MAPRE1: variants seen among roughly 807,000 people sequenced by gnomAD.
MAPRE1 encodes the protein microtubule associated protein RP/EB family member 1.
MAPRE1 carries 5 observed loss-of-function variants against 32.1 expected under a neutral mutation model. The observed-to-expected ratio is 0.16, with a 90% CI of 0.08 to 0.33. The LOEUF is 0.33. Among genes scored for constraint, MAPRE1 ranks in the 10% least tolerant of loss-of-function variants. The pLI is 1.00. For synonymous variants in MAPRE1, 122 were observed against 118.9 expected (o/e 1.03, Z -0.17); for missense variants, 209 against 327.2 (o/e 0.64, Z 2.79).
intron 1 of MAPRE1, among the ~76,000 whole-genome samples, chr20:32,820,295 AGGTGTGGT>A (rs1384297865): frequency 6.6e-6 from 1 of 151,412 alleles, no homozygotes; most frequent in Admixed American, 6.6e-5. Flanking sequence ...GCCGCCGCTG[AGGTGTGGT>A]CCCTGCGCTG....
At chr20:32,834,487 T>G (rs1012081627) in intron 3 of MAPRE1, among the ~76,000 whole-genome samples, 4 of 152,238 alleles carry the variant, frequency 2.6e-5, no homozygotes, top group African/African-American at 4.8e-5. Flanking sequence ...ATTAAGTAGT[T>G]TATCCCTTCC....
At chr20:32,829,885 G>A (rs1982970990) in intron 2 of MAPRE1, among the ~76,000 whole-genome samples, 1 of 152,206 alleles carries the variant, frequency 6.6e-6, no homozygotes, top group Non-Finnish European at 1.5e-5. Context: ...CCGTAGTTTG[G>A]AGAGCTAGTC....
chr20:32,848,879 T>G lies in MAPRE1; in HGVS notation c.*151T>G. The G allele has an allele frequency of 1.8e-6, 1 of 562,566 alleles. No individual in the cohort carries two copies. 34.8% of individuals were successfully genotyped at this position (562,566 alleles called of 1,614,324 possible). The stretch of plus-strand genomic sequence containing the variant: ...TCTTAAAGTGCACTTTGCAGACGTT[T>G]CACTCCTTTTCCAATAAGTTTGAGT... On this transcript the variant is annotated 3_prime_UTR_variant, in exon 7 of 7. Coordinates refer to ENST00000375571, the MANE Select transcript of MAPRE1 (RefSeq NM_012325.3).
In MAPRE1 at chr20:32,823,427, A is replaced by G. The variant is rs140460811; in HGVS notation, c.-3-2498A>G. Among the ~76,000 whole-genome samples the G allele has an allele frequency of 2.0e-5, 3 of 152,256 alleles. No individual in the cohort carries two copies. The East Asian group carries it at 5.8e-4, about 29-fold the overall frequency. Reference sequence around the variant, plus strand: ...TCTTATGAAATGAAGAAAATTGTTAAGTGTCTAGGTCACTATGAAGTCTCT... The same window carrying G: ...TCTTATGAAATGAAGAAAATTGTTAGGTGTCTAGGTCACTATGAAGTCTCT... On this transcript the variant is annotated intron_variant, in intron 1 of 6. Coordinates refer to ENST00000375571, the MANE Select transcript of MAPRE1 (RefSeq NM_012325.3).
intron 4 of MAPRE1, among the ~76,000 whole-genome samples, chr20:32,838,717 G>A (rs1255463056): frequency 6.6e-6 from 1 of 152,196 alleles, no homozygotes; most frequent in Admixed American, 6.5e-5. Flanking sequence ...TCATATTTCA[G>A]ATGCTGCTAC....
chr20:32,836,765 A>C lies in MAPRE1; in HGVS notation c.399A>C (p.Gln133His). 2 of 1,614,228 alleles carry C rather than the reference A, an allele frequency of 1.2e-6. No individual in the cohort carries two copies. Among genetic ancestry groups the C allele is most frequent in the Non-Finnish European group, 1.7e-6 (2 of 1,180,018 alleles). Residue 133 changes from glutamine to histidine, a missense_variant, in exon 4 of 7, where the codon CAA becomes CAC. Around this residue, in one of 3 missense-constraint regions of MAPRE1, gnomAD observed 106 missense variants for 115.3 expected, o/e 0.92. Coordinates refer to ENST00000375571, the MANE Select transcript of MAPRE1 (RefSeq NM_012325.3). Reference protein sequence around the residue: ...DYDPVAARQGQETAVAPSLVA... With the variant: ...DYDPVAARQGHETAVAPSLVA... ...ACCCTGTGGCTGCCAGACAAGGTCAAGAAACTGCAGTGGCTCCTTCCCTTG... is the reference window on the plus strand; with the variant it reads ...ACCCTGTGGCTGCCAGACAAGGTCACGAAACTGCAGTGGCTCCTTCCCTTG...
intron 5 of MAPRE1, among the ~76,000 whole-genome samples, chr20:32,842,167 G>A (rs1198429088): frequency 1.3e-5 from 2 of 152,074 alleles, no homozygotes; most frequent in Admixed American, 6.5e-5. Flanking sequence ...CTCACTGCAA[G>A]CTCCGCCTCC....
At chr20:32,837,810 C>CA (rs1233311879) in intron 4 of MAPRE1, among the ~76,000 whole-genome samples, 1 of 152,224 alleles carries the variant, frequency 6.6e-6, no homozygotes, top group Non-Finnish European at 1.5e-5. Flanking sequence ...GTGCTGGGCG[C>CA]AGTGGCTCAT....
At chr20:32,838,775 T>A (rs1346758214) in intron 4 of MAPRE1, among the ~76,000 whole-genome samples, 2 of 152,220 alleles carry the variant, frequency 1.3e-5, no homozygotes, top group Non-Finnish European at 2.9e-5. Context: ...GGGATAAACG[T>A]GCTAGAGAGA....
chr20:32,846,747 G>A lies in MAPRE1; in HGVS notation c.727G>A (p.Val243Ile). The stretch of plus-strand genomic sequence containing the variant: ...AAACGACCCTGTATTGCAGAGGATT[G>A]TAGACATTCTGTATGCCACAGATGT... ...GENDPVLQRIVDILYATDEGF... is the reference protein window; with the variant it reads ...GENDPVLQRIIDILYATDEGF... The change falls in exon 6 of 7, where the codon GTA (valine) becomes ATA (isoleucine). Residue 243 changes from valine (V) to isoleucine (I), a missense_variant. Val to Ile is a conservative substitution (Grantham distance 29). Around this residue, in one of 3 missense-constraint regions of MAPRE1, gnomAD observed 36 missense variants for 71.9 expected, o/e 0.50. Coordinates refer to ENST00000375571, the MANE Select transcript of MAPRE1 (RefSeq NM_012325.3). 6.2e-7 allele frequency: 1 copy of A among 1,614,218 alleles called. No individual in the cohort carries two copies. The highest frequency in any genetic ancestry group is 8.5e-7 in the Non-Finnish European group (1 of 1,180,038).
intron 3 of MAPRE1, among the ~76,000 whole-genome samples, chr20:32,834,998 GA>G (rs1433071265): frequency 6.6e-6 from 1 of 152,160 alleles, no homozygotes; most frequent in Non-Finnish European, 1.5e-5. Flanking sequence ...ATATTTGTCA[GA>G]GGGGTGGATA....
chr20:32,838,207 A>G (rs1377940889), intron 4 of MAPRE1, among the ~76,000 whole-genome samples: 1 of 152,144 alleles, frequency 6.6e-6, no homozygotes, highest in Non-Finnish European at 1.5e-5. Flanking sequence ...TGGATTTGCC[A>G]GTTCTAAACT....
chr20:32,836,927 T>C, intron 4 of MAPRE1, 86 bp downstream of exon 4: 1 of 1,162,446 alleles, frequency 8.6e-7, no homozygotes, highest in Non-Finnish European at 1.2e-6. Flanking sequence ...TCAGTAGCCA[T>C]AGGCTTAGGG....
chr20:32,836,745 G>A lies in MAPRE1; in HGVS notation c.379G>A (p.Val127Met). Reference protein sequence around the residue: ...ANYDGKDYDPVAARQGQETAV... With the variant: ...ANYDGKDYDPMAARQGQETAV... ...CTATGATGGAAAAGACTATGACCCTGTGGCTGCCAGACAAGGTCAAGAAAC... is the reference window on the plus strand; with the variant it reads ...CTATGATGGAAAAGACTATGACCCTATGGCTGCCAGACAAGGTCAAGAAAC... Residue 127 changes from valine (V) to methionine (M), a missense_variant, in exon 4 of 7, where the codon GTG (valine) becomes ATG (methionine). This residue lies in a region of MAPRE1 where 106 missense variants were observed against 115.3 expected (regional missense o/e 0.92). Transcript: ENST00000375571. 1 of 1,614,134 alleles carries A rather than the reference G, an allele frequency of 6.2e-7. No individual in the cohort carries two copies. The highest frequency in any genetic ancestry group is 8.5e-7 in the Non-Finnish European group (1 of 1,179,992).
Position 32,846,715 on chromosome 20 carries a change from A to G in MAPRE1, c.695A>G (p.Glu232Gly). Residue 232 changes from glutamate (E) to glycine (G), a missense_variant, in exon 6 of 7, where the codon GAG (glutamate) becomes GGG (glycine). Glu to Gly is a moderately conservative substitution (Grantham distance 98, BLOSUM62 -2). Coordinates refer to ENST00000375571, the MANE Select transcript of MAPRE1 (RefSeq NM_012325.3). ...RNIELICQEN[E>G]GENDPVLQRI... is the part of the protein sequence containing the mutation. ...ATTGAATTGATTTGCCAGGAGAACG[A>G]GGGGGAAAACGACCCTGTATTGCAG... is the stretch of plus-strand genomic sequence containing the variant. 6.2e-7 allele frequency: 1 copy of G among 1,606,204 alleles called. No homozygotes were observed. The highest frequency in any genetic ancestry group is 8.5e-7 in the Non-Finnish European group (1 of 1,175,212).
chr20:32,821,746 C>G (rs777457049), intron 1 of MAPRE1, among the ~76,000 whole-genome samples: 25 of 152,172 alleles, frequency 1.6e-4, no homozygotes, highest in Non-Finnish European at 1.9e-4. Flanking sequence ...ATTGTGGTGC[C>G]TTGAAAGTAA....
rs748534756 is a variant in MAPRE1, at chr20:32,846,605, A to T, written c.598-13A>T. ...AATGCCAAGCATCTCACCCTTTTTAATGTCTTGTGCAGGTCAACGTATTGA... is the reference window on the plus strand; with the variant it reads ...AATGCCAAGCATCTCACCCTTTTTATTGTCTTGTGCAGGTCAACGTATTGA... On this transcript the variant is annotated splice_polypyrimidine_tract_variant and intron_variant, in intron 5 of 6. Transcript: ENST00000375571. 1 of 1,611,326 alleles carries T rather than the reference A, an allele frequency of 6.2e-7. No individual in the cohort carries two copies. Among genetic ancestry groups the T allele is most frequent in the East Asian group, 2.2e-5 (1 of 44,654 alleles).
chr20:32,825,174 C>G (rs118022747), intron 1 of MAPRE1, among the ~76,000 whole-genome samples: 2,779 of 144,586 alleles, frequency 0.019, 54 homozygotes, highest in East Asian at 0.092. Context: ...AAGAAAGAAA[C>G]AAACAAACAA....
In MAPRE1 at chr20:32,827,589, T is replaced by G. The variant is rs141293143; in HGVS notation, c.121+1541T>G. 4.8e-4 allele frequency among the ~76,000 whole-genome samples: 73 copies of G among 152,018 alleles called. 1 individual carries two copies. The Middle Eastern group carries it at 0.014, about 29-fold the overall frequency. ...CATGAGCCACTGTGCCTGCCCTGGA[T>G]CGATCTTAAATTACTGCCATTGCTT... On this transcript the variant is annotated intron_variant, in intron 2 of 6. Transcript: ENST00000375571.
Sources: gnomAD v4.1 joint callset for allele counts (sites outside exome capture counted in the v4.1 genomes callset) on GRCh38, gnomAD v4.1.1 for gene constraint, gnomAD v4.1.1 regional missense constraint, MANE v1.5 for transcripts, NCBI Gene and HGNC (gene_info 2026-07-23, HGNC 2026-07-21) for gene names.